The following SEMA4G variants were observed in gnomAD, a reference collection of about 807,000 sequenced individuals.
SEMA4G encodes semaphorin-4G.
A neutral mutation model predicts 81.2 loss-of-function variants in SEMA4G; 59 were observed. The ratio of observed to expected loss-of-function variants is 0.73; its 90% CI spans 0.59 to 0.90. The LOEUF (loss-of-function observed/expected upper bound fraction) is 0.90, where lower values mean the gene tolerates loss of function less well. SEMA4G is among the 40% of genes least tolerant of loss of function. The probability of loss-of-function intolerance (pLI) is 0.00; values close to 1 mark genes in which losing one functional copy is unlikely to be tolerated. For synonymous variants in SEMA4G, 404 were observed against 433.9 expected, an observed-to-expected ratio of 0.93 and a Z score of 0.86; for missense variants, 952 against 1,102.3, an observed-to-expected ratio of 0.86 and a Z score of 1.93.
At position 100,979,160 on chromosome 10, in the gene SEMA4G, G is replaced by A. The variant is rs374601814; in HGVS notation, c.872G>A (p.Arg291His). ...AAGTGGACTTCCTTCCTGAAAGCCC[G>A]TCTCATCTGCCACATTCCACTGTAT... Residue 291 changes from arginine (R) to histidine (H), a missense_variant, in exon 8 of 14, where the codon CGT becomes CAT. Physicochemically the swap from Arg to His is conservative, Grantham distance 29 (BLOSUM62 0). Transcript: ENST00000370250. 23 of 1,614,070 alleles carry A rather than the reference G, an allele frequency of 1.4e-5. No individual in the cohort carries two copies. The highest frequency in any genetic ancestry group is 9.3e-5 in the African/African-American group (7 of 74,924).
upstream of SEMA4G, among the ~76,000 whole-genome samples, chr10:100,970,935 A>G (rs894684951): frequency 6.6e-5 from 10 of 152,220 alleles, no homozygotes; most frequent in East Asian, 1.9e-4. Flanking sequence ...TCTCTCCTCA[A>G]TGTCTGAGGC....
rs781780422 is a variant in SEMA4G at position 100,973,315 on chromosome 10, A to G, written c.273+38A>G. Reference sequence around the variant, plus strand: ...AACCTGGACCACCCAGAGGGTCTCTATGCTTATCCAGCTCCCTGGGACCTC... The same window carrying G: ...AACCTGGACCACCCAGAGGGTCTCTGTGCTTATCCAGCTCCCTGGGACCTC... On this transcript the variant is annotated intron_variant, in intron 2 of 13. Coordinates refer to ENST00000370250, the Ensembl canonical transcript of SEMA4G. This position sits in a 1 kb window ranked among gnomAD's most constrained non-coding sequence, Gnocchi z 5.5. 3 of 1,607,776 alleles carry G rather than the reference A, an allele frequency of 1.9e-6. No individual in the cohort carries two copies. The highest frequency in any genetic ancestry group is 2.2e-5 in the South Asian group (2 of 90,844).
upstream of SEMA4G, among the ~76,000 whole-genome samples, chr10:100,970,496 C>T (rs1325193542): frequency 6.6e-6 from 1 of 152,070 alleles, no homozygotes; most frequent in East Asian, 1.9e-4. Context: ...GGCCTTGACT[C>T]ATGCACCCAT....
At chr10:100,983,983 G>A (rs781551217) in exon 14 of SEMA4G, 1 of 1,612,848 alleles carries the variant, frequency 6.2e-7, no homozygotes. Context: ...CGGCTGCGGA[G>A]GATGAATGGC....
chr10:100,980,934 G>T (rs1851038668), exon 12 of SEMA4G: 1 of 1,611,212 alleles, frequency 6.2e-7, no homozygotes, highest in East Asian at 2.2e-5. Context: ...TACTGTGGCT[G>T]GGACCCTGGC....
rs756712868 is a variant in SEMA4G, at chr10:100,984,589, C to G, written c.*458C>G. 3.4e-4 allele frequency: 517 copies of G among 1,536,220 alleles called. 1 individual carries two copies. Among genetic ancestry groups the G allele is most frequent in the Non-Finnish European group, 4.2e-5 (48 of 1,146,918 alleles). On this transcript the variant is annotated 3_prime_UTR_variant, in exon 14 of 14. Coordinates refer to ENST00000370250, the Ensembl canonical transcript of SEMA4G. ...ACCAGACAAGACCTCTGCCAGCCAC[C>G]TAAGCCCTGCGTACATTCACATGCA... is the stretch of plus-strand genomic sequence containing the variant.
At chr10:100,974,841 G>T in intron 3 of SEMA4G, 1 of 374,830 alleles carries the variant, frequency 2.7e-6, no homozygotes, top group Non-Finnish European at 5.1e-6. Flanking sequence ...GCTGGGCATG[G>T]TGGGTCACAC....
exon 14 of SEMA4G, chr10:100,983,567 G>T: frequency 6.2e-7 from 1 of 1,612,998 alleles, no homozygotes; most frequent in Non-Finnish European, 8.5e-7. Flanking sequence ...TCACAGTCCG[G>T]CCAGCCACTC....
At chr10:100,984,849 G>A, downstream of SEMA4G, 1 of 1,502,122 alleles carries the variant, frequency 6.7e-7, no homozygotes, top group Non-Finnish European at 8.9e-7. Context: ...TGTGGCCCTT[G>A]TGAATCAGCC....
exon 14 of SEMA4G, chr10:100,984,337 G>A: frequency 6.9e-7 from 1 of 1,441,996 alleles, no homozygotes; most frequent in Non-Finnish European, 9.1e-7. Context: ...AGCAGCCCAG[G>A]CCCATCGGTG....
rs562685405 is a variant in SEMA4G, at chr10:100,981,669, G to A, written c.1690+440G>A. Reference sequence around the variant, plus strand: ...CTGTCACAGCATTCTTATGAGAAAGGTGCCATTATTATTATCCCCATGAGG... The same window carrying A: ...CTGTCACAGCATTCTTATGAGAAAGATGCCATTATTATTATCCCCATGAGG... On this transcript the variant is annotated intron_variant, in intron 13 of 13. Coordinates refer to ENST00000370250, the Ensembl canonical transcript of SEMA4G. 14 of 1,219,956 alleles carry A rather than the reference G, an allele frequency of 1.1e-5. 1 individual carries two copies. The highest frequency in any genetic ancestry group is 9.3e-5 in the South Asian group (7 of 75,140). The allele number at this position is 1,219,956 out of a possible 1,614,324, so 75.6% of individuals were successfully genotyped here. A position where few individuals can be genotyped will look rare whatever the true frequency, so the allele number is the denominator to read the frequency against.
intron 11 of SEMA4G, 57 bp downstream of exon 12, chr10:100,980,750 G>A (rs1252881187): frequency 3.7e-6 from 6 of 1,606,280 alleles, no homozygotes; most frequent in Non-Finnish European, 5.1e-6. Context: ...GAGGGAGTGG[G>A]GAGGTTGGGC....
At chr10:100,984,702 C>T (rs947024954) in exon 14 of SEMA4G, 22 of 1,536,170 alleles carry the variant, frequency 1.4e-5, no homozygotes, top group Non-Finnish European at 1.9e-5. Flanking sequence ...TGCTTCTGGA[C>T]TTGGGGTACC....
At chr10:100,979,645 T>C (rs1257076332) in intron 8 of SEMA4G, among the ~76,000 whole-genome samples, 1 of 152,112 alleles carries the variant, frequency 6.6e-6, no homozygotes, top group Non-Finnish European at 1.5e-5. Flanking sequence ...CCTCTCAAAG[T>C]GCTGGCAAAG....
At chr10:100,982,186 T>C (rs899787614) in intron 13 of SEMA4G, among the ~76,000 whole-genome samples, 5 of 150,966 alleles carry the variant, frequency 3.3e-5, no homozygotes, top group African/African-American at 1.2e-4. Flanking sequence ...GCAGAGGACA[T>C]GGGGTAATGG....
upstream of SEMA4G, chr10:100,972,496 C>G (rs539894164): frequency 5.5e-6 from 1 of 181,378 alleles, no homozygotes; most frequent in African/African-American, 2.4e-5. Context: ...ACATACAGAT[C>G]AAAGGGCTTT....
At chr10:100,979,886 T>C in exon 9 of SEMA4G, 1 of 1,614,044 alleles carries the variant, frequency 6.2e-7, no homozygotes, top group Non-Finnish European at 8.5e-7. Flanking sequence ...CGCTATGACC[T>C]GGCAGAGATC....
chr10:100,980,411 C>T, intron 10 of SEMA4G, 67 bp downstream of exon 11: 1 of 1,489,796 alleles, frequency 6.7e-7, no homozygotes, highest in Admixed American at 1.7e-5. Context: ...TCCATTAATT[C>T]CTGCCATGAC....
At chr10:100,979,350 G>A (rs761422909) in intron 8 of SEMA4G, 79 bp downstream of exon 9, 7 of 1,612,916 alleles carry the variant, frequency 4.3e-6, no homozygotes, top group African/African-American at 4.0e-5. Flanking sequence ...GGATGAGATA[G>A]GATCCACTGT....
Sources: allele counts gnomAD v4.1 joint callset (sites outside exome capture counted in the v4.1 genomes callset), GRCh38; gene constraint gnomAD v4.1.1; non-coding constraint Gnocchi (gnomAD v3.1); transcripts MANE v1.5; gene names NCBI Gene and HGNC (gene_info 2026-07-23, HGNC 2026-07-21).